The following OSR1 variants were observed in gnomAD, a reference collection of about 807,000 sequenced individuals.
OSR1 encodes the protein protein odd-skipped-related 1.
OSR1 carries 3 observed loss-of-function variants against 15.7 expected under a neutral mutation model. That is an observed-to-expected ratio of 0.19 (90% CI 0.09 to 0.50). The LOEUF (loss-of-function observed/expected upper bound fraction) is 0.50, where lower values mean the gene tolerates loss of function less well. Among genes scored for constraint, OSR1 ranks in the 20% least tolerant of loss-of-function variants. OSR1 has a pLI of 0.97. For synonymous variants in OSR1, 166 were observed against 152.7 expected, an observed-to-expected ratio of 1.09 and a Z score of -0.64; for missense variants, 271 against 351.1, an observed-to-expected ratio of 0.77 and a Z score of 1.82.
downstream of OSR1, among the ~76,000 whole-genome samples, chr2:19,346,931 G>T (rs993559493): frequency 2.0e-5 from 3 of 152,164 alleles, no homozygotes; most frequent in African/African-American, 7.2e-5. Flanking sequence ...TTAACTCCCT[G>T]GGTTCCACAA....
In OSR1 at chr2:19,353,128, C is replaced by T. The variant is rs1191739558; in HGVS notation, c.665+13G>A. Reference sequence around the variant, plus strand: ...GCAGAGAGCTCTCTCTTGCGCCACCCGCAGTGCCGCACCTGTGGTCTCGCA... The same window carrying T: ...GCAGAGAGCTCTCTCTTGCGCCACCTGCAGTGCCGCACCTGTGGTCTCGCA... On this transcript the variant is annotated intron_variant, in intron 2 of 2. Coordinates refer to ENST00000272223, the MANE Select transcript of OSR1 (RefSeq NM_145260.3). 13 of 1,611,542 alleles carry T rather than the reference C, an allele frequency of 8.1e-6. No individual in the cohort carries two copies. The highest frequency in any genetic ancestry group is 1.3e-5 in the African/African-American group (1 of 74,864).
At chr2:19,348,366 C>T (rs1262531906), downstream of OSR1, 2 of 154,420 alleles carry the variant, frequency 1.3e-5, no homozygotes, top group African/African-American at 4.8e-5. Context: ...GAGGCGGGGC[C>T]CATCTGTGAC....
chr2:19,355,784 T>G (rs948655175), intron 1 of OSR1: 1 of 152,212 alleles, frequency 6.6e-6, no homozygotes, highest in African/African-American at 2.4e-5. Flanking sequence ...AACGGTCATC[T>G]CTACTGCGCC....
At chr2:19,345,599 T>C in the OSR1 span, among the ~76,000 whole-genome samples, 2 of 152,194 alleles carry the variant, frequency 1.3e-5, no homozygotes, top group African/African-American at 4.8e-5. Context: ...ATATGGATCT[T>C]ATGGATACAT....
chr2:19,357,268 G>A lies in OSR1; in HGVS notation c.-33+1073C>T, dbSNP rs185854041. 6.6e-6 allele frequency among the ~76,000 whole-genome samples: 1 copy of A among 152,186 alleles called. No homozygotes were observed. Among genetic ancestry groups the A allele is most frequent in the African/African-American group, 2.4e-5 (1 of 41,458 alleles). On this transcript the variant is annotated intron_variant, in intron 1 of 2. Coordinates refer to ENST00000272223, the MANE Select transcript of OSR1 (RefSeq NM_145260.3). The surrounding 1 kb of genome is among the most constrained non-coding windows in gnomAD (Gnocchi z 5.0). ...CTCCAGCGCTTCTCTTCCCTAGGGG[G>A]TTGTGAACCTGGGACACCTAGCCTT... is the stretch of plus-strand genomic sequence containing the variant.
At chr2:19,354,387 T>TCACACACACACACACA (rs1275305005) in intron 1 of OSR1, 2 of 131,348 alleles carry the variant, frequency 1.5e-5, no homozygotes, top group African/African-American at 5.7e-5. Context: ...AACCCCTGAA[T>TCACACACACACACACA]CTCACACACA....
At position 19,352,193 on chromosome 2, in the gene OSR1, G is replaced by A. The variant is rs890350443; in HGVS notation, c.*82C>T. 4 of 1,491,720 alleles carry A rather than the reference G, an allele frequency of 2.7e-6. No homozygotes were observed. The highest frequency in any genetic ancestry group is 1.8e-6 in the Non-Finnish European group (2 of 1,096,212). The allele number at this position is 1,491,720 out of a possible 1,614,324, so 92.4% of individuals were successfully genotyped here. On this transcript the variant is annotated 3_prime_UTR_variant, in exon 3 of 3. Transcript: ENST00000272223. ...AAGGTCCCGAGCGAGCGCCTCTCCCGCTGCCCGCCAGAGTCAGGCTTCTGG... is the reference window on the plus strand; with the variant it reads ...AAGGTCCCGAGCGAGCGCCTCTCCCACTGCCCGCCAGAGTCAGGCTTCTGG...
At chr2:19,345,364 A>G in the OSR1 span, among the ~76,000 whole-genome samples, 1 of 152,000 alleles carries the variant, frequency 6.6e-6, no homozygotes, top group Non-Finnish European at 1.5e-5. Flanking sequence ...TGTTTTAGAC[A>G]TGAAGTCCTT....
downstream of OSR1, chr2:19,346,624 C>A (rs1172225401): frequency 1.3e-5 from 2 of 152,388 alleles, no homozygotes; most frequent in South Asian, 2.1e-4. Flanking sequence ...GAAAAAATTA[C>A]CAGACGTGGT....
chr2:19,350,757 C>A (rs987209432), downstream of OSR1, among the ~76,000 whole-genome samples: 1 of 151,990 alleles, frequency 6.6e-6, no homozygotes, highest in Non-Finnish European at 1.5e-5. Context: ...TTATGGAAGG[C>A]GGACTCGAAT....
downstream of OSR1, among the ~76,000 whole-genome samples, chr2:19,348,999 A>G (rs1295088201): frequency 6.6e-6 from 1 of 152,226 alleles, no homozygotes; most frequent in Non-Finnish European, 1.5e-5. Context: ...TTCTCCTGAA[A>G]AATAGCCCCA....
chr2:19,349,101 T>G (rs774460998), downstream of OSR1, among the ~76,000 whole-genome samples: 3 of 152,200 alleles, frequency 2.0e-5, no homozygotes, highest in Non-Finnish European at 2.9e-5. Flanking sequence ...TTTCTAGAGA[T>G]GCATTGGGGG....
downstream of OSR1, chr2:19,348,559 A>C (rs1558357774): frequency 6.5e-6 from 1 of 153,990 alleles, no homozygotes; most frequent in Non-Finnish European, 1.5e-5. Context: ...ATTCTAGGGG[A>C]TTTAGGATAT....
At chr2:19,352,545 G>T in intron 2 of OSR1, 135 bp from the exon 3 acceptor site, 2 of 1,068,612 alleles carry the variant, frequency 1.9e-6, no homozygotes, top group Non-Finnish European at 2.7e-6. Context: ...AGTGTGGATG[G>T]GACAAAATGT....
In OSR1 at chr2:19,352,380, C is replaced by T. The variant is rs1193066952; in HGVS notation, c.696G>A (p.Lys232=). The T allele has an allele frequency of 1.2e-6, 2 of 1,614,180 alleles. No individual in the cohort carries two copies. Among genetic ancestry groups the T allele is most frequent in the Non-Finnish European group, 1.7e-6 (2 of 1,179,978 alleles). Residue 232 remains lysine, a synonymous_variant, in exon 3 of 3, where the codon AAG becomes AAA. Coordinates refer to ENST00000272223, the MANE Select transcript of OSR1 (RefSeq NM_145260.3). ...RYIHSKEKPF[K]CQECGKGFCQ... ...AGAATCCTTTCCCACACTCTTGACA[C>T]TTGAAGGGCTTCTCTTTGGAGTGAA...
At chr2:19,349,795 C>CTG (rs45530837), downstream of OSR1, among the ~76,000 whole-genome samples, 21,519 of 151,450 alleles carry the variant, frequency 0.14, 2,218 homozygotes, top group East Asian at 0.49. Flanking sequence ...GAAGGGCACC[C>CTG]TGTGTGTGTG....
chr2:19,353,767 G>C lies in OSR1; in HGVS notation c.39C>G (p.His13Gln). 2 of 1,613,316 alleles carry C rather than the reference G, an allele frequency of 1.2e-6. No individual in the cohort carries two copies. Among genetic ancestry groups the C allele is most frequent in the Non-Finnish European group, 1.7e-6 (2 of 1,179,440 alleles). The part of the protein sequence containing the change: ...SKTLPAPVPI[H>Q]PSLQLTNYSF... Reference sequence around the variant, plus strand: ...AGTAGTTGGTGAGCTGCAGGGAAGGGTGGATAGGCACCGGCGCCGGCAAGG... The same window carrying C: ...AGTAGTTGGTGAGCTGCAGGGAAGGCTGGATAGGCACCGGCGCCGGCAAGG... Residue 13 changes from histidine (H) to glutamine (Q), a missense_variant, in exon 2 of 3, where the codon CAC becomes CAG. His to Gln is a conservative substitution (Grantham distance 24). This residue lies in a region of OSR1 where 210 missense variants were observed against 218.4 expected (regional missense o/e 0.96). Coordinates refer to ENST00000272223, the MANE Select transcript of OSR1 (RefSeq NM_145260.3).
At chr2:19,345,252 T>A in the OSR1 span, among the ~76,000 whole-genome samples, 1 of 152,230 alleles carries the variant, frequency 6.6e-6, no homozygotes, top group Middle Eastern at 3.4e-3. Context: ...ATTTTGTAGG[T>A]TGCCTGTTCA....
At chr2:19,349,976 A>G (rs1664805490), downstream of OSR1, among the ~76,000 whole-genome samples, 1 of 152,090 alleles carries the variant, frequency 6.6e-6, no homozygotes. Context: ...CGTCTACACC[A>G]CCCGCAAACC....
Sources: gnomAD v4.1 joint callset for allele counts (sites outside exome capture counted in the v4.1 genomes callset) on GRCh38, gnomAD v4.1.1 for gene constraint, gnomAD v4.1.1 regional missense constraint, Gnocchi (gnomAD v3.1) non-coding constraint, MANE v1.5 for transcripts, NCBI Gene and HGNC (gene_info 2026-07-23, HGNC 2026-07-21) for gene names.